GRM7: variants seen among roughly 807,000 people sequenced by gnomAD.
GRM7 encodes metabotropic glutamate receptor 7.
GRM7 carries 35 observed loss-of-function variants against 84.5 expected under a neutral mutation model. The ratio of observed to expected loss-of-function variants is 0.41; its 90% CI spans 0.32 to 0.55. The LOEUF is 0.55. GRM7 is among the 20% of genes least tolerant of loss of function. The probability of loss-of-function intolerance (pLI) is 0.19; values close to 1 mark genes in which losing one functional copy is unlikely to be tolerated. For missense variants in GRM7, 1,003 were observed against 1,194.6 expected (o/e 0.84, Z 2.36); for synonymous variants, 487 against 455.1 (o/e 1.07, Z -0.89).
chr3:6,907,293 T>C (rs907439840), intron 1 of GRM7, among the ~76,000 whole-genome samples: 1 of 152,226 alleles, frequency 6.6e-6, no homozygotes, highest in African/African-American at 2.4e-5. Context: ...GTCTCTCACC[T>C]TCACAGGTGA....
At chr3:7,333,037 G>T (rs1701270524) in intron 4 of GRM7, among the ~76,000 whole-genome samples, 1 of 152,058 alleles carries the variant, frequency 6.6e-6, no homozygotes, top group South Asian at 2.1e-4. Context: ...CCACCTCCTG[G>T]CTGGAGGTCA....
rs537715631 is a variant in GRM7, at chr3:7,217,968, T to A, written c.736+71300T>A. On this transcript the variant is annotated intron_variant, in intron 2 of 9. Coordinates refer to ENST00000357716, the MANE Select transcript of GRM7 (RefSeq NM_000844.4). ...AAGATGTTGATTTCTCTTAATATTA[T>A]GACTTTAGTATATGATAGTGTTACA... Among the ~76,000 whole-genome samples the A allele has an allele frequency of 2.0e-5, 3 of 152,166 alleles. No homozygotes were observed. In the South Asian group the frequency reaches 6.2e-4, roughly 32 times the overall value.
chr3:6,895,437 C>G (rs1696141751), intron 1 of GRM7, among the ~76,000 whole-genome samples: 1 of 152,178 alleles, frequency 6.6e-6, no homozygotes, highest in African/African-American at 2.4e-5. Flanking sequence ...CTGCTGTTTT[C>G]TGCCATATGG....
intron 9 of GRM7, among the ~76,000 whole-genome samples, chr3:7,714,673 A>G (rs559514779): frequency 1.3e-5 from 2 of 152,302 alleles, no homozygotes; most frequent in East Asian, 1.9e-4. Context: ...TTGTGTGCAT[A>G]TATCTACTCA....
At chr3:7,527,334 T>C (rs1201306178) in intron 7 of GRM7, among the ~76,000 whole-genome samples, 1 of 152,070 alleles carries the variant, frequency 6.6e-6, no homozygotes, top group East Asian at 1.9e-4. Context: ...TTGAATGTTA[T>C]TGGTGTATAG....
intron 2 of GRM7, among the ~76,000 whole-genome samples, chr3:7,262,895 A>C (rs1698487719): frequency 6.6e-6 from 1 of 151,456 alleles, no homozygotes; most frequent in Admixed American, 6.6e-5. Context: ...ATGGGATTTC[A>C]CCATGTTGGC....
chr3:7,356,837 T>C lies in GRM7; in HGVS notation c.1033+50185T>C, dbSNP rs189311719. ...CTTTTGAACTTCGATTTAGCTATGC[T>C]ACTGACTTTCCCAAAACCACCCTAC... On this transcript the variant is annotated intron_variant, in intron 4 of 9. Transcript: ENST00000357716. Among the ~76,000 whole-genome samples the C allele has an allele frequency of 2.0e-5, 3 of 151,292 alleles. No individual in the cohort carries two copies. In the Admixed American group the frequency reaches 2.0e-4, roughly 10 times the overall value.
At chr3:7,303,435 A>T (rs1484325024) in intron 3 of GRM7, among the ~76,000 whole-genome samples, 1 of 152,036 alleles carries the variant, frequency 6.6e-6, no homozygotes, top group Non-Finnish European at 1.5e-5. Flanking sequence ...TACAATTTTT[A>T]AATTATTAAT....
intron 1 of GRM7, among the ~76,000 whole-genome samples, chr3:6,906,760 T>TA (rs1340494232): frequency 6.6e-6 from 1 of 152,146 alleles, no homozygotes; most frequent in Non-Finnish European, 1.5e-5. Flanking sequence ...CTTATGTTTT[T>TA]AGCTGCTGTA....
intron 1 of GRM7, among the ~76,000 whole-genome samples, chr3:7,003,132 A>G (rs542338409): frequency 6.6e-6 from 1 of 152,262 alleles, no homozygotes; most frequent in African/African-American, 2.4e-5. Context: ...ATCAAAGAGT[A>G]CTCAGTTAGA....
intron 4 of GRM7, among the ~76,000 whole-genome samples, chr3:7,396,001 C>T (rs562604329): frequency 1.3e-5 from 2 of 152,224 alleles, no homozygotes; most frequent in East Asian, 3.9e-4. Flanking sequence ...TGTATCAAAA[C>T]ATCACTATGG....
chr3:7,275,104 A>T (rs1333452729), intron 2 of GRM7, among the ~76,000 whole-genome samples: 1 of 152,156 alleles, frequency 6.6e-6, no homozygotes, highest in Non-Finnish European at 1.5e-5. Flanking sequence ...GGTATTCTTC[A>T]TATCTAATAT....
chr3:7,252,960 G>T (rs143704564), intron 2 of GRM7, among the ~76,000 whole-genome samples: 294 of 143,562 alleles, frequency 2.0e-3, no homozygotes, highest in African/African-American at 7.1e-3. Context: ...AAAGTGCTGG[G>T]ATTACAGACA....
At chr3:7,643,669 T>A (rs1351464276) in intron 8 of GRM7, among the ~76,000 whole-genome samples, 1 of 152,092 alleles carries the variant, frequency 6.6e-6, no homozygotes, top group African/African-American at 2.4e-5. Flanking sequence ...TACAGGATTG[T>A]GTGGCAGGGG....
intron 2 of GRM7, among the ~76,000 whole-genome samples, chr3:7,186,173 C>T (rs1695506586): frequency 6.6e-6 from 1 of 152,184 alleles, no homozygotes; most frequent in South Asian, 2.1e-4. Context: ...CTTCTTATGT[C>T]CATTGCCATT....
intron 1 of GRM7, among the ~76,000 whole-genome samples, chr3:7,055,198 T>TTTC (rs886823311): frequency 4.6e-5 from 7 of 151,530 alleles, no homozygotes; most frequent in African/African-American, 1.5e-4. Flanking sequence ...CTTCCTTCAT[T>TTTC]TTCTTCTTCT....
chr3:6,913,066 A>G (rs939011837), intron 1 of GRM7, among the ~76,000 whole-genome samples: 2 of 152,192 alleles, frequency 1.3e-5, no homozygotes, highest in Admixed American at 1.3e-4. Context: ...AATTCACTGA[A>G]GGAGTTCATC....
rs200344886 is a variant in GRM7, at chr3:7,463,000, A to AG, written c.1515+1280dup. On this transcript the variant is annotated intron_variant, in intron 7 of 9. Transcript: ENST00000357716. ...AACAAAAACCTAAAAGGTAAACTCA[A>AG]GGTGGGGGAGTAGTAATCAAAAGCA... Among the ~76,000 whole-genome samples the AG allele has an allele frequency of 5.1e-3, 749 of 148,122 alleles. 12 individuals are homozygous for AG. The South Asian group carries it at 0.052, about 10-fold the overall frequency.
chr3:7,429,420 G>A lies in GRM7; in HGVS notation c.1174+14257G>A, dbSNP rs535970544. 1.1e-4 allele frequency among the ~76,000 whole-genome samples: 17 copies of A among 152,232 alleles called. No homozygotes were observed. The East Asian group carries it at 3.1e-3, about 28-fold the overall frequency. The stretch of plus-strand genomic sequence containing the variant: ...ACTCTACTAATTTATTCAGCCATTG[G>A]CAAAACTACTAAAATGTTATCTCTA... On this transcript the variant is annotated intron_variant, in intron 5 of 9. Coordinates refer to ENST00000357716, the MANE Select transcript of GRM7 (RefSeq NM_000844.4).
Sources: allele counts gnomAD v4.1 joint callset (sites outside exome capture counted in the v4.1 genomes callset), GRCh38; gene constraint gnomAD v4.1.1; transcripts MANE v1.5; gene names NCBI Gene and HGNC (gene_info 2026-07-23, HGNC 2026-07-21).